PTPRG: variants seen among roughly 807,000 people sequenced by gnomAD.
The protein encoded by PTPRG is protein tyrosine phosphatase receptor type G.
A neutral mutation model predicts 165.3 loss-of-function variants in PTPRG; 102 were observed. The ratio of observed to expected loss-of-function variants is 0.62; its 90% CI spans 0.53 to 0.73. PTPRG has a LOEUF of 0.73. PTPRG is among the 30% of genes least tolerant of loss of function. The pLI is 0.00. For missense variants in PTPRG, 1,866 were observed against 1,861.4 expected, an observed-to-expected ratio of 1.00 and a Z score of -0.05; for synonymous variants, 675 against 669.5, an observed-to-expected ratio of 1.01 and a Z score of -0.13.
chr3:61,747,335 G>C (rs945307053), intron 1 of PTPRG, among the ~76,000 whole-genome samples: 1 of 152,210 alleles, frequency 6.6e-6, no homozygotes, highest in East Asian at 1.9e-4. Context: ...TGTTTTGATG[G>C]AAAGAGGAAG....
intron 1 of PTPRG, among the ~76,000 whole-genome samples, chr3:61,655,780 A>AT (rs554451724): frequency 9.0e-4 from 137 of 151,908 alleles, no homozygotes; most frequent in African/African-American, 3.2e-3. Context: ...TAATTTTTAA[A>AT]TTTTTTTTGT....
chr3:62,004,769 CAT>C (rs1415437063), intron 4 of PTPRG, among the ~76,000 whole-genome samples: 1 of 152,192 alleles, frequency 6.6e-6, no homozygotes, highest in East Asian at 1.9e-4. Context: ...TCACTGGTAA[CAT>C]ATGTTAATCA....
intron 26 of PTPRG, 26 bp from the exon 27 acceptor site, chr3:62,281,537 G>GTTT: frequency 1.1e-5 from 2 of 174,778 alleles, no homozygotes; most frequent in African/African-American, 1.3e-4. Flanking sequence ...AACTGCAGAG[G>GTTT]CTTTTTTTTT....
chr3:61,721,044 A>T (rs577765309), intron 1 of PTPRG, among the ~76,000 whole-genome samples: 1 of 152,336 alleles, frequency 6.6e-6, no homozygotes, highest in African/African-American at 2.4e-5. Flanking sequence ...TTACAGGATT[A>T]TTTAACTTCT....
chr3:62,269,245 C>A, intron 20 of PTPRG, 76 bp downstream of exon 20: 1 of 1,386,590 alleles, frequency 7.2e-7, no homozygotes, highest in Non-Finnish European at 9.6e-7. Context: ...CAACCAAGGC[C>A]AAATCTCATA....
At chr3:61,979,024 G>A (rs2040573994) in intron 2 of PTPRG, among the ~76,000 whole-genome samples, 1 of 152,156 alleles carries the variant, frequency 6.6e-6, no homozygotes, top group South Asian at 2.1e-4. Flanking sequence ...GACACGAGTT[G>A]TTGAAAGGAT....
rs551529625 is a variant in PTPRG, at chr3:61,788,135, C to T, written c.190+39153C>T. Among the ~76,000 whole-genome samples the T allele has an allele frequency of 6.6e-5, 10 of 152,274 alleles. No homozygotes were observed. The East Asian group carries it at 1.9e-3, about 29-fold the overall frequency. On this transcript the variant is annotated intron_variant, in intron 2 of 29. Coordinates refer to ENST00000474889, the MANE Select transcript of PTPRG (RefSeq NM_002841.4). ...CTTTTCCCAGTTTAAAAGTGATTTACTCCCATGGTTGAGACTGGTTTTCAG... is the reference window on the plus strand; with the variant it reads ...CTTTTCCCAGTTTAAAAGTGATTTATTCCCATGGTTGAGACTGGTTTTCAG...
chr3:62,272,139 G>A (rs1702087538), intron 21 of PTPRG, among the ~76,000 whole-genome samples: 1 of 151,550 alleles, frequency 6.6e-6, no homozygotes, highest in Non-Finnish European at 1.5e-5. Context: ...ATTGTTTATA[G>A]GAAAATTGTA....
intron 23 of PTPRG, among the ~76,000 whole-genome samples, chr3:62,274,225 A>AATATG (rs1361677607): frequency 9.9e-5 from 15 of 152,194 alleles, no homozygotes; most frequent in Admixed American, 2.0e-4. Context: ...TTGTCCTAAA[A>AATATG]ATATGCCTAT....
At chr3:61,762,164 T>C in intron 2 of PTPRG, among the ~76,000 whole-genome samples, 1 of 152,178 alleles carries the variant, frequency 6.6e-6, no homozygotes, top group East Asian at 1.9e-4. Flanking sequence ...CACTCTCCTC[T>C]TGGGGAGTGA....
At chr3:61,802,636 T>A (rs2107176175) in intron 2 of PTPRG, among the ~76,000 whole-genome samples, 1 of 152,328 alleles carries the variant, frequency 6.6e-6, no homozygotes, top group East Asian at 1.9e-4. Context: ...ATTCTTTCAT[T>A]CTCAAAATTG....
At chr3:61,569,170 G>A (rs947583411) in intron 1 of PTPRG, among the ~76,000 whole-genome samples, 1 of 152,136 alleles carries the variant, frequency 6.6e-6, no homozygotes, top group Non-Finnish European at 1.5e-5. Flanking sequence ...TAGGAGCCTG[G>A]AACTTGTTAA....
intron 8 of PTPRG, among the ~76,000 whole-genome samples, chr3:62,170,683 C>T (rs957904175): frequency 6.6e-5 from 10 of 152,160 alleles, no homozygotes; most frequent in South Asian, 6.2e-4. Flanking sequence ...TCATAGTGCT[C>T]GTTGCTGACT....
chr3:61,652,620 TCTTA>T (rs1702387301), intron 1 of PTPRG, among the ~76,000 whole-genome samples: 2 of 152,196 alleles, frequency 1.3e-5, no homozygotes, highest in Non-Finnish European at 2.9e-5. Flanking sequence ...ATGTTTCTTT[TCTTA>T]TTTATATTTA....
At chr3:61,807,095 G>T (rs1321185436) in intron 2 of PTPRG, among the ~76,000 whole-genome samples, 1 of 152,210 alleles carries the variant, frequency 6.6e-6, no homozygotes, top group African/African-American at 2.4e-5. Flanking sequence ...AAAAGGGAAA[G>T]AGAAGCCATT....
intron 2 of PTPRG, among the ~76,000 whole-genome samples, chr3:61,982,145 T>C (rs1320506134): frequency 3.3e-5 from 5 of 152,196 alleles, no homozygotes; most frequent in African/African-American, 1.2e-4. Context: ...TGTTGACTAT[T>C]TGGGGGTGTA....
At chr3:61,580,199 C>T (rs1005599637) in intron 1 of PTPRG, among the ~76,000 whole-genome samples, 6 of 152,036 alleles carry the variant, frequency 3.9e-5, no homozygotes, top group African/African-American at 1.4e-4. Context: ...CCCAGCTACT[C>T]TGGAGGCTGA....
chr3:61,665,426 C>G (rs373452309), intron 1 of PTPRG, among the ~76,000 whole-genome samples: 1 of 150,012 alleles, frequency 6.7e-6, no homozygotes, highest in South Asian at 2.1e-4. Context: ...CAAGTTGTAA[C>G]TTGAAAGAAA....
chr3:61,613,753 A>AG (rs1333694536), intron 1 of PTPRG, among the ~76,000 whole-genome samples: 1 of 152,214 alleles, frequency 6.6e-6, no homozygotes, highest in Non-Finnish European at 1.5e-5. Flanking sequence ...TCCTAATAGA[A>AG]GAGGGTAGAG....
Sources: allele counts gnomAD v4.1 joint callset (sites outside exome capture counted in the v4.1 genomes callset), GRCh38; gene constraint gnomAD v4.1.1; transcripts MANE v1.5; gene names NCBI Gene and HGNC (gene_info 2026-07-23, HGNC 2026-07-21).